GABRG3: variants seen among roughly 807,000 people sequenced by gnomAD.
The protein encoded by GABRG3 is gamma-aminobutyric acid receptor subunit gamma-3.
GABRG3 carries 25 observed loss-of-function variants against 48.8 expected under a neutral mutation model. That is an observed-to-expected ratio of 0.51 (90% CI 0.37 to 0.72). The LOEUF (loss-of-function observed/expected upper bound fraction) is 0.72. GABRG3 is among the 30% of genes least tolerant of loss of function. The pLI, the probability that GABRG3 is intolerant of heterozygous loss-of-function variation, is 0.00. For missense variants in GABRG3, 394 were observed against 577.9 expected, an observed-to-expected ratio of 0.68 and a Z score of 3.26; for synonymous variants, 227 against 217.6, an observed-to-expected ratio of 1.04 and a Z score of -0.38.
At chr15:27,272,150 C>T (rs1595628012) in intron 3 of GABRG3, among the ~76,000 whole-genome samples, 1 of 152,248 alleles carries the variant, frequency 6.6e-6, no homozygotes, top group Admixed American at 6.5e-5. Flanking sequence ...TAGTGGATTT[C>T]TTCCCTCTTT....
At chr15:27,109,642 G>A (rs921954798) in intron 3 of GABRG3, among the ~76,000 whole-genome samples, 9 of 152,166 alleles carry the variant, frequency 5.9e-5, no homozygotes, top group Non-Finnish European at 1.0e-4. Flanking sequence ...CAGCATTTTG[G>A]GAGGCTGAGG....
At chr15:27,502,017 C>T (rs1037192686) in intron 6 of GABRG3, among the ~76,000 whole-genome samples, 7 of 152,082 alleles carry the variant, frequency 4.6e-5, no homozygotes, top group African/African-American at 1.7e-4. Context: ...AAGGTGAGTC[C>T]TCCCAGGACT....
In GABRG3 at chr15:27,532,690, G is replaced by C; in HGVS notation, c.1213G>C (p.Val405Leu). The change falls in exon 10 of 10, where the codon GTC (valine) becomes CTC (leucine). Residue 405 changes from valine (V) to leucine (L), a missense_variant. By Grantham distance (32) the Val-to-Leu change is conservative (BLOSUM62 1). Transcript: ENST00000615808. Reference protein sequence around the residue: ...VYWQEFEDTCVYECLDGKDCQ... With the variant: ...VYWQEFEDTCLYECLDGKDCQ... ...CTGGCAGGAATTTGAAGATACCTGT[G>C]TCTATGAGTGTCTGGATGGCAAAGA... is the stretch of plus-strand genomic sequence containing the variant. 6.2e-7 allele frequency: 1 copy of C among 1,613,996 alleles called. No homozygotes were observed. Among genetic ancestry groups the C allele is most frequent in the South Asian group, 1.1e-5 (1 of 91,080 alleles).
intron 5 of GABRG3, chr15:27,340,925 G>A: frequency 1.0e-5 from 5 of 479,622 alleles, no homozygotes; most frequent in South Asian, 7.9e-5. Context: ...CTTTTTGAAA[G>A]CTGTTTTTTA....
chr15:27,022,437 G>C (rs1380107851), intron 2 of GABRG3, among the ~76,000 whole-genome samples: 1 of 152,162 alleles, frequency 6.6e-6, no homozygotes, highest in African/African-American at 2.4e-5. Context: ...AACTATCAAA[G>C]TTAGCAAAAT....
chr15:27,529,078 A>C (rs77396232), intron 9 of GABRG3, among the ~76,000 whole-genome samples: 1,901 of 151,764 alleles, frequency 0.013, 54 homozygotes, highest in African/African-American at 0.044. Flanking sequence ...TGACATGACC[A>C]CCCTCACTTT....
intron 3 of GABRG3, among the ~76,000 whole-genome samples, chr15:27,040,116 C>CT (rs1319563268): frequency 2.6e-5 from 4 of 152,266 alleles, no homozygotes; most frequent in Non-Finnish European, 5.9e-5. Context: ...CAGAGAAGGG[C>CT]TGGGCCTGTC....
rs115539435 is a variant in GABRG3 at position 27,092,760 on chromosome 15, A to G, written c.270+65939A>G. Among the ~76,000 whole-genome samples, 917 of 152,262 alleles carry G rather than the reference A, an allele frequency of 6.0e-3. 7 individuals are homozygous for G. Among genetic ancestry groups the G allele is most frequent in the African/African-American group, 0.021 (859 of 41,550 alleles). On this transcript the variant is annotated intron_variant, in intron 3 of 9. Coordinates refer to ENST00000615808, the MANE Select transcript of GABRG3 (RefSeq NM_033223.5). ...CAGGAAGGGCGGGACCTTTGAGATG[A>G]CTTGCTCGGTGTCTTTGTTTTACAA...
At chr15:27,353,432 A>G (rs867191525) in intron 5 of GABRG3, among the ~76,000 whole-genome samples, 1 of 146,710 alleles carries the variant, frequency 6.8e-6, no homozygotes, top group Non-Finnish European at 1.5e-5. Flanking sequence ...CTTTCTATTT[A>G]TTTATTTATT....
At chr15:27,427,626 T>A (rs1356676566) in intron 5 of GABRG3, among the ~76,000 whole-genome samples, 3 of 152,232 alleles carry the variant, frequency 2.0e-5, no homozygotes, top group East Asian at 3.9e-4. Flanking sequence ...ATCTAACAAA[T>A]GTCATTTACA....
intron 3 of GABRG3, among the ~76,000 whole-genome samples, chr15:27,320,715 T>A (rs1459790973): frequency 6.6e-6 from 1 of 152,160 alleles, no homozygotes; most frequent in Non-Finnish European, 1.5e-5. Flanking sequence ...GTGAGAATGA[T>A]GAAGGAGGGC....
intron 3 of GABRG3, among the ~76,000 whole-genome samples, chr15:27,077,958 G>A (rs1316553981): frequency 6.6e-6 from 1 of 152,166 alleles, no homozygotes; most frequent in Non-Finnish European, 1.5e-5. Context: ...GGGGTTTGGG[G>A]GAGGTGGCTT....
At chr15:27,266,800 AT>A (rs34897322) in intron 3 of GABRG3, among the ~76,000 whole-genome samples, 90,095 of 151,920 alleles carry the variant, frequency 0.59, 27,332 homozygotes, top group Non-Finnish European at 0.65. Flanking sequence ...TGTAAATGGT[AT>A]TTTTTTATTT....
At chr15:27,101,930 G>A (rs540735193) in intron 3 of GABRG3, among the ~76,000 whole-genome samples, 1 of 151,106 alleles carries the variant, frequency 6.6e-6, no homozygotes, top group South Asian at 2.1e-4. Context: ...TGCATTCAAA[G>A]CCATCCTGGG....
intron 3 of GABRG3, among the ~76,000 whole-genome samples, chr15:27,309,341 A>G (rs1453179179): frequency 4.6e-5 from 7 of 151,772 alleles, no homozygotes; most frequent in Non-Finnish European, 1.0e-4. Flanking sequence ...TATATTTACC[A>G]ATTTAAACCT....
At chr15:27,019,413 G>A (rs1216982272) in intron 2 of GABRG3, among the ~76,000 whole-genome samples, 1 of 152,092 alleles carries the variant, frequency 6.6e-6, no homozygotes, top group Admixed American at 6.5e-5. Context: ...AACTCCGGGA[G>A]GTTGAGGGTG....
intron 3 of GABRG3, among the ~76,000 whole-genome samples, chr15:27,058,396 T>A (rs1305533559): frequency 6.6e-6 from 1 of 152,134 alleles, no homozygotes; most frequent in South Asian, 2.1e-4. Flanking sequence ...TGCTTTTCAT[T>A]GTAAGTTTTG....
chr15:27,407,218 G>A (rs1373944330), intron 5 of GABRG3, among the ~76,000 whole-genome samples: 2 of 152,058 alleles, frequency 1.3e-5, no homozygotes, highest in African/African-American at 2.4e-5. Context: ...GAGCCACCGC[G>A]CTCGGCTCTA....
chr15:27,328,436 A>C (rs900461776), intron 4 of GABRG3, among the ~76,000 whole-genome samples: 4 of 152,260 alleles, frequency 2.6e-5, no homozygotes, highest in Admixed American at 1.3e-4. Flanking sequence ...ATTTGGCATA[A>C]TAGCTGTTTA....
Sources: allele counts gnomAD v4.1 joint callset (sites outside exome capture counted in the v4.1 genomes callset), GRCh38; gene constraint gnomAD v4.1.1; transcripts MANE v1.5; gene names NCBI Gene and HGNC (gene_info 2026-07-23, HGNC 2026-07-21).